Variants in CEP131 observed in about 807,000 individuals in gnomAD.
The protein encoded by CEP131 is centrosomal protein of 131 kDa.
In CEP131, 99 loss-of-function variants were observed where a neutral mutation model predicts 136.8. The ratio of observed to expected loss-of-function variants is 0.72; its 90% CI spans 0.62 to 0.86. The LOEUF is 0.86. Among genes scored for constraint, CEP131 ranks in the 40% least tolerant of loss-of-function variants. The pLI is 0.00. For missense variants in CEP131, 1,459 were observed against 1,463.0 expected (o/e 1.00, Z 0.04); for synonymous variants, 646 against 612.7 (o/e 1.05, Z -0.80).
intron 20 of CEP131, 32 bp from the exon 21 acceptor site, chr17:81,192,424 C>T: frequency 1.9e-6 from 3 of 1,611,532 alleles, no homozygotes; most frequent in Non-Finnish European, 2.5e-6. Flanking sequence ...CCAGTCAGTC[C>T]CACCCCGTGC....
chr17:81,199,597 C>A, intron 9 of CEP131, 48 bp from the exon 10 acceptor site: 1 of 1,590,542 alleles, frequency 6.3e-7, no homozygotes, highest in Non-Finnish European at 8.6e-7. Flanking sequence ...AGGACGACCC[C>A]AGGCTCCACA....
rs201747795 is a variant in CEP131 at position 81,190,614 on chromosome 17, C to A, written c.3107+25G>T. ...CGCTCCCCTGCCCCGCCTCCGTCTC[C>A]AGCCCTGCAGCCCCCGCCGCCCACC... On this transcript the variant is annotated intron_variant, in intron 24 of 25. Coordinates refer to ENST00000450824, the MANE Select transcript of CEP131 (RefSeq NM_014984.4). 5.2e-6 allele frequency: 8 copies of A among 1,544,632 alleles called. No individual in the cohort carries two copies. In the East Asian group the frequency reaches 1.2e-4, roughly 23 times the overall value.
chr17:81,189,852 C>T lies in CEP131; in HGVS notation c.3169-9G>A, dbSNP rs767629186. 7 of 1,612,270 alleles carry T rather than the reference C, an allele frequency of 4.3e-6. No individual in the cohort carries two copies. Among genetic ancestry groups the T allele is most frequent in the African/African-American group, 1.3e-5 (1 of 74,936 alleles). On this transcript the variant is annotated splice_polypyrimidine_tract_variant and intron_variant, in intron 25 of 25. Coordinates refer to ENST00000450824, the MANE Select transcript of CEP131 (RefSeq NM_014984.4). ...GCCCGCTTCACCGCAGCCTGCAGCA[C>T]ACCCACAGGGTCAGGCCTGCTCCCA...
intron 2 of CEP131, among the ~76,000 whole-genome samples, chr17:81,216,711 A>G (rs992651005): frequency 2.0e-5 from 3 of 152,346 alleles, no homozygotes; most frequent in Non-Finnish European, 4.4e-5. Context: ...CTCACTGCTC[A>G]ATGAGCCCCC....
rs370550298 is a variant in CEP131, at chr17:81,202,440, G to T, written c.630-42C>A. 5 of 1,594,452 alleles carry T rather than the reference G, an allele frequency of 3.1e-6. No individual in the cohort carries two copies. In the African/African-American group the frequency reaches 5.4e-5, roughly 17 times the overall value. On this transcript the variant is annotated intron_variant, in intron 6 of 25. Transcript: ENST00000450824. ...AAACACCCTCGTCTCACCGCCCAGG[G>T]GAACAGCTCTGCCCACAGGCAGCAG... is the stretch of plus-strand genomic sequence containing the variant.
At chr17:81,200,582 A>C (rs1392503211) in intron 7 of CEP131, 136 bp from the exon 8 acceptor site, 2 of 660,564 alleles carry the variant, frequency 3.0e-6, no homozygotes, top group Non-Finnish European at 5.3e-6. Flanking sequence ...ACAAGGCAGG[A>C]CCAGCCCACC....
Position 81,198,227 on chromosome 17 carries a change from G to A in CEP131, c.1358C>T (p.Ser453Phe). The change falls in exon 12 of 26, where the codon TCC becomes TTC. Residue 453 changes from serine to phenylalanine, a missense_variant. By Grantham distance (155) the Ser-to-Phe change is radical. Coordinates refer to ENST00000450824, the MANE Select transcript of CEP131 (RefSeq NM_014984.4). ...MMAPSRGSAK[S>F]RGPLEELLHT... Reference sequence around the variant, plus strand: ...CAGCAGCTCCTCCAGTGGCCCCCTGGACTTGGCGCTCCCCCTGCTCGGGGC... The same window carrying A: ...CAGCAGCTCCTCCAGTGGCCCCCTGAACTTGGCGCTCCCCCTGCTCGGGGC... The A allele has an allele frequency of 6.2e-7, 1 of 1,601,394 alleles. No homozygotes were observed. Among genetic ancestry groups the A allele is most frequent in the Non-Finnish European group, 8.5e-7 (1 of 1,174,138 alleles).
chr17:81,216,343 G>A (rs2062246682), intron 2 of CEP131, among the ~76,000 whole-genome samples: 3 of 151,008 alleles, frequency 2.0e-5, no homozygotes, highest in South Asian at 4.2e-4. Context: ...TGGGCAAAAA[G>A]AGCAAAAGTC....
Position 81,219,736 on chromosome 17 carries a change from G to T in CEP131, c.177+144C>A. On this transcript the variant is annotated intron_variant, in intron 2 of 25. Coordinates refer to ENST00000450824, the MANE Select transcript of CEP131 (RefSeq NM_014984.4). This position sits in a 1 kb window ranked among gnomAD's most constrained non-coding sequence, Gnocchi z 4.0. ...CGCCTGTAAGACTCAAGTCCTACCTGCCTCCTGGAACAGCCACGAGGATCC... is the reference window on the plus strand; with the variant it reads ...CGCCTGTAAGACTCAAGTCCTACCTTCCTCCTGGAACAGCCACGAGGATCC... The T allele has an allele frequency of 2.4e-6, 2 of 842,808 alleles. No individual in the cohort carries two copies. Among genetic ancestry groups the T allele is most frequent in the Non-Finnish European group, 3.4e-6 (2 of 580,834 alleles). The allele number at this position is 842,808 out of a possible 1,614,324, so 52.2% of individuals were successfully genotyped here.
Position 81,196,867 on chromosome 17 carries a change from G to A in CEP131, c.1774-41C>T, listed in dbSNP as rs548796137. Reference sequence around the variant, plus strand: ...AGAGGAGGGAAGCGCTAGGACCGGTGGGCCTGGCCTCAGCAGGTAGGAGGC... The same window carrying A: ...AGAGGAGGGAAGCGCTAGGACCGGTAGGCCTGGCCTCAGCAGGTAGGAGGC... On this transcript the variant is annotated intron_variant, in intron 14 of 25. Coordinates refer to ENST00000450824, the MANE Select transcript of CEP131 (RefSeq NM_014984.4). 2.3e-4 allele frequency: 367 copies of A among 1,602,518 alleles called. 4 individuals are homozygous for A. In the South Asian group the frequency reaches 3.9e-3, roughly 17 times the overall value.
At chr17:81,221,881 C>T (rs1029070838) in intron 1 of CEP131, among the ~76,000 whole-genome samples, 6 of 152,206 alleles carry the variant, frequency 3.9e-5, no homozygotes, top group Non-Finnish European at 5.9e-5. Flanking sequence ...CCCAGCCTAT[C>T]GCCCAAGGTC....
chr17:81,200,205 C>T, intron 8 of CEP131, 124 bp downstream of exon 8: 1 of 770,050 alleles, frequency 1.3e-6, no homozygotes, highest in Non-Finnish European at 2.1e-6. Context: ...GGATGCTGCA[C>T]CCAGAGACGG....
At chr17:81,217,539 G>C (rs1019268336) in intron 2 of CEP131, among the ~76,000 whole-genome samples, 1 of 152,150 alleles carries the variant, frequency 6.6e-6, no homozygotes, top group Non-Finnish European at 1.5e-5. Flanking sequence ...AGAGGATGGG[G>C]ACCGGGCACA....
rs538792259 is a variant in CEP131, at chr17:81,191,314, C to T, written c.2644G>A (p.Glu882Lys). The change falls in exon 22 of 26, where the codon GAA becomes AAA. Residue 882 changes from glutamate (E) to lysine (K), a missense_variant. Coordinates refer to ENST00000450824, the MANE Select transcript of CEP131 (RefSeq NM_014984.4). Reference protein sequence around the residue: ...RKEEAWLLNREQELREEIRKG... With the variant: ...RKEEAWLLNRKQELREEIRKG... ...CGGATTTCTTCCCTCAGCTCCTGTTCCCGGTTCAGCAGCCACGCCTCCTGG... is the reference window on the plus strand; with the variant it reads ...CGGATTTCTTCCCTCAGCTCCTGTTTCCGGTTCAGCAGCCACGCCTCCTGG... The T allele has an allele frequency of 3.0e-5, 48 of 1,613,182 alleles. No homozygotes were observed. In the South Asian group the frequency reaches 4.7e-4, roughly 16 times the overall value.
intron 19 of CEP131, 64 bp downstream of exon 19, chr17:81,192,672 G>C: frequency 7.5e-7 from 1 of 1,331,912 alleles, no homozygotes; most frequent in Admixed American, 2.0e-5. Context: ...GGGTGAGGGG[G>C]CGGGGGGGAG....
rs780485870 is a variant in CEP131, at chr17:81,200,280, G to A, written c.906+49C>T. The A allele has an allele frequency of 3.4e-6, 5 of 1,453,804 alleles. No individual in the cohort carries two copies. The East Asian group carries it at 1.2e-4, about 34-fold the overall frequency. The allele number at this position is 1,453,804 out of a possible 1,614,324, so 90.1% of individuals were successfully genotyped here. ...AGAAACTCAAACCCCTGGGATTCTG[G>A]GCCAGACCCCCCGGGGGAGCATGGA... On this transcript the variant is annotated intron_variant, in intron 8 of 25. Coordinates refer to ENST00000450824, the MANE Select transcript of CEP131 (RefSeq NM_014984.4).
At chr17:81,200,194 A>G in intron 8 of CEP131, 135 bp downstream of exon 8, 1 of 722,242 alleles carries the variant, frequency 1.4e-6, no homozygotes, top group South Asian at 1.9e-5. Flanking sequence ...AGGGTCAAGA[A>G]GGATGCTGCA....
chr17:81,192,471 T>TA lies in CEP131; in HGVS notation c.2547+4dup. 2.5e-6 allele frequency: 4 copies of TA among 1,611,922 alleles called. No individual in the cohort carries two copies. The highest frequency in any genetic ancestry group is 3.4e-6 in the Non-Finnish European group (4 of 1,179,786). ...CAGGCCCAGCACAGCCCTCCGGTGG[T>TA]AGACCTGGTGCCGGCGCTCCTGCTC... On this transcript the variant is annotated splice_donor_region_variant and intron_variant, in intron 20 of 25. Coordinates refer to ENST00000450824, the MANE Select transcript of CEP131 (RefSeq NM_014984.4).
rs781605102 is a variant in CEP131 at position 81,198,263 on chromosome 17, A to G, written c.1322T>C (p.Leu441Pro). Residue 441 changes from leucine (L) to proline (P), a missense_variant, in exon 12 of 26, where the codon CTG becomes CCG. Around this residue, in one of 3 missense-constraint regions of CEP131, gnomAD observed 1,026 missense variants for 964.2 expected, o/e 1.06. Coordinates refer to ENST00000450824, the MANE Select transcript of CEP131 (RefSeq NM_014984.4). ...CCCCCTGCTCGGGGCCATCATCTCCAGGTTGTCCCCAGCTGCATCCTGGGC... is the reference window on the plus strand; with the variant it reads ...CCCCCTGCTCGGGGCCATCATCTCCGGGTTGTCCCCAGCTGCATCCTGGGC... The part of the protein sequence containing the change: ...VLAQDAAGDN[L>P]EMMAPSRGSA... 13 of 1,604,290 alleles carry G rather than the reference A, an allele frequency of 8.1e-6. 1 individual carries two copies. The highest frequency in any genetic ancestry group is 3.4e-5 in the Admixed American group (2 of 59,388).
Sources: gnomAD v4.1 joint callset for allele counts (sites outside exome capture counted in the v4.1 genomes callset) on GRCh38, gnomAD v4.1.1 for gene constraint, gnomAD v4.1.1 regional missense constraint, Gnocchi (gnomAD v3.1) non-coding constraint, MANE v1.5 for transcripts, NCBI Gene and HGNC (gene_info 2026-07-23, HGNC 2026-07-21) for gene names.